Variants in GPR158 observed in about 807,000 individuals in gnomAD.
GPR158 encodes metabotropic glycine receptor.
GPR158 carries 30 observed loss-of-function variants against 78.2 expected under a neutral mutation model. The ratio of observed to expected loss-of-function variants is 0.38; its 90% CI spans 0.29 to 0.52. The LOEUF (loss-of-function observed/expected upper bound fraction) is 0.52, where lower values mean the gene tolerates loss of function less well. Ranked by LOEUF, GPR158 falls within the 20% of genes least tolerant of loss-of-function variation. The pLI is 0.83. For missense variants in GPR158, 1,463 were observed against 1,523.5 expected, an observed-to-expected ratio of 0.96 and a Z score of 0.66; for synonymous variants, 581 against 591.1, an observed-to-expected ratio of 0.98 and a Z score of 0.25.
chr10:25,565,762 G>C (rs989571477), intron 6 of GPR158, among the ~76,000 whole-genome samples: 1 of 152,164 alleles, frequency 6.6e-6, no homozygotes, highest in Admixed American at 6.5e-5. Context: ...AACGCTTAAG[G>C]TTCTTGCCTA....
chr10:25,303,862 G>T (rs1854632044), intron 2 of GPR158, among the ~76,000 whole-genome samples: 1 of 152,122 alleles, frequency 6.6e-6, no homozygotes, highest in African/African-American at 2.4e-5. Context: ...GTGAGATCTG[G>T]CCTACACGCA....
intron 5 of GPR158, among the ~76,000 whole-genome samples, chr10:25,507,859 A>T (rs1564474313): frequency 6.6e-6 from 1 of 152,234 alleles, no homozygotes. Context: ...ACCCAAGGCA[A>T]TCAATTTGAA....
At chr10:25,417,487 A>G (rs995379266) in intron 4 of GPR158, among the ~76,000 whole-genome samples, 3 of 152,186 alleles carry the variant, frequency 2.0e-5, no homozygotes, top group African/African-American at 7.2e-5. Context: ...AGCAGGTTCT[A>G]TGCATGAAAT....
At chr10:25,401,540 C>T (rs1755259420) in intron 3 of GPR158, among the ~76,000 whole-genome samples, 1 of 152,024 alleles carries the variant, frequency 6.6e-6, no homozygotes. Context: ...CACTTCAGTC[C>T]TCCAAAAATC....
intron 5 of GPR158, among the ~76,000 whole-genome samples, chr10:25,509,659 A>G (rs1475477677): frequency 1.3e-5 from 2 of 152,240 alleles, no homozygotes; most frequent in Non-Finnish European, 2.9e-5. Flanking sequence ...TTCAAAGGGC[A>G]GGCAATCCAA....
At position 25,364,795 on chromosome 10, in the gene GPR158, A is replaced by G. The variant is rs80247728; in HGVS notation, c.1009-31116A>G. On this transcript the variant is annotated intron_variant, in intron 2 of 10. Coordinates refer to ENST00000376351, the MANE Select transcript of GPR158 (RefSeq NM_020752.3). ...TTAGGAATGCTAAGAAGATATAGCT[A>G]CTTTCTTTAAAATTTATATTTCCGG... Among the ~76,000 whole-genome samples, 134 of 151,886 alleles carry G rather than the reference A, an allele frequency of 8.8e-4. 3 individuals carry two copies. In the East Asian group the frequency reaches 0.019, roughly 21 times the overall value.
rs181284866 is a variant in GPR158, at chr10:25,440,276, G to A, written c.1336-26375G>A. 7.2e-5 allele frequency among the ~76,000 whole-genome samples: 11 copies of A among 152,196 alleles called. No homozygotes were observed. The East Asian group carries it at 1.5e-3, about 21-fold the overall frequency. On this transcript the variant is annotated intron_variant, in intron 4 of 10. Coordinates refer to ENST00000376351, the MANE Select transcript of GPR158 (RefSeq NM_020752.3). ...TGGGCCACTGACTTCAGACTGAGCC[G>A]AGCTCTACTTAGCCTTGAGGGGTGG...
At chr10:25,543,461 C>T (rs1836617142) in intron 5 of GPR158, among the ~76,000 whole-genome samples, 1 of 152,148 alleles carries the variant, frequency 6.6e-6, no homozygotes, top group Admixed American at 6.6e-5. Flanking sequence ...AGTATCCTAC[C>T]ACTAAGATCA....
intron 2 of GPR158, among the ~76,000 whole-genome samples, chr10:25,222,946 T>C (rs1853320993): frequency 6.6e-6 from 1 of 152,190 alleles, no homozygotes; most frequent in Non-Finnish European, 1.5e-5. Flanking sequence ...CGCATCTGTT[T>C]ATTTGACTAG....
rs146614407 is a variant in GPR158, at chr10:25,601,582, T to C, written c.*2308T>C. On this transcript the variant is annotated 3_prime_UTR_variant, in exon 11 of 11. Coordinates refer to ENST00000376351, the MANE Select transcript of GPR158 (RefSeq NM_020752.3). ...TAAAAAGACTTGCCAAATTATATCT[T>C]AGCGACATTCTATAGTTCATAGATT... 19 of 152,758 alleles carry C rather than the reference T, an allele frequency of 1.2e-4. No homozygotes were observed. The highest frequency in any genetic ancestry group is 4.3e-4 in the African/African-American group (18 of 41,582). The allele number at this position is 152,758 out of a possible 1,614,324, so 9.5% of individuals were successfully genotyped here. A position where few individuals can be genotyped will look rare whatever the true frequency, so the allele number is the denominator to read the frequency against.
intron 2 of GPR158, among the ~76,000 whole-genome samples, chr10:25,234,733 T>C (rs1853498642): frequency 6.6e-6 from 1 of 152,216 alleles, no homozygotes; most frequent in South Asian, 2.1e-4. Context: ...GGTTACCAGT[T>C]AGATGGCTTA....
intron 5 of GPR158, among the ~76,000 whole-genome samples, chr10:25,521,796 C>G (rs1472387676): frequency 6.6e-6 from 1 of 152,098 alleles, no homozygotes; most frequent in African/African-American, 2.4e-5. Context: ...TGTTATCTTG[C>G]TGATGGTATG....
intron 1 of GPR158, among the ~76,000 whole-genome samples, chr10:25,182,135 T>A (rs889673902): frequency 6.6e-6 from 1 of 152,198 alleles, no homozygotes; most frequent in Non-Finnish European, 1.5e-5. Flanking sequence ...TAATGATCAT[T>A]TACTCACAGA....
intron 4 of GPR158, among the ~76,000 whole-genome samples, chr10:25,413,627 A>G (rs1773691): frequency 0.5 from 76,592 of 152,044 alleles, 21,741 homozygotes; most frequent in Non-Finnish European, 0.66. Flanking sequence ...CATTGAAGGT[A>G]TAAAGTGTTC....
chr10:25,564,682 C>T (rs555586197), intron 6 of GPR158, among the ~76,000 whole-genome samples: 6 of 135,130 alleles, frequency 4.4e-5, no homozygotes, highest in South Asian at 2.3e-4. Flanking sequence ...TCTTGAAGGC[C>T]GCCATTGAGC....
intron 2 of GPR158, among the ~76,000 whole-genome samples, chr10:25,264,938 T>C (rs546037485): frequency 6.6e-6 from 1 of 152,306 alleles, no homozygotes; most frequent in South Asian, 2.1e-4. Context: ...TTACCCAAGG[T>C]AAGACTGTAC....
intron 6 of GPR158, among the ~76,000 whole-genome samples, chr10:25,563,793 T>G (rs536869768): frequency 2.5e-5 from 3 of 118,796 alleles, no homozygotes; most frequent in Admixed American, 2.2e-4. Context: ...GATTTATACT[T>G]ATTGTTTTAT....
intron 2 of GPR158, among the ~76,000 whole-genome samples, chr10:25,295,107 T>C (rs1347685482): frequency 6.6e-6 from 1 of 152,218 alleles, no homozygotes; most frequent in East Asian, 1.9e-4. Context: ...CGGACCTCCC[T>C]GTCTTACCCA....
chr10:25,472,077 A>G (rs1297433074), intron 5 of GPR158, among the ~76,000 whole-genome samples: 3 of 152,060 alleles, frequency 2.0e-5, no homozygotes, highest in African/African-American at 7.2e-5. Context: ...GTTTTCTTCT[A>G]GGGTTTTTAT....
Sources: gnomAD v4.1 joint callset for allele counts (sites outside exome capture counted in the v4.1 genomes callset) on GRCh38, gnomAD v4.1.1 for gene constraint, MANE v1.5 for transcripts, NCBI Gene and HGNC (gene_info 2026-07-23, HGNC 2026-07-21) for gene names.